The following DAPK1 variants were observed in gnomAD, a reference collection of about 807,000 sequenced individuals.
DAPK1 encodes the protein death associated protein kinase 1.
DAPK1 carries 56 observed loss-of-function variants against 144.9 expected under a neutral mutation model. That is an observed-to-expected ratio of 0.39 (90% CI 0.31 to 0.48). The LOEUF (loss-of-function observed/expected upper bound fraction) is 0.48. Among genes scored for constraint, DAPK1 ranks in the 20% least tolerant of loss-of-function variants. DAPK1 has a pLI of 0.95. For synonymous variants in DAPK1, 690 were observed against 749.0 expected (o/e 0.92, Z 1.29); for missense variants, 1,454 against 1,875.4 (o/e 0.78, Z 4.15).
chr9:87,551,591 G>A lies in DAPK1; in HGVS notation c.62+52452G>A, dbSNP rs36232284. 1.0e-3 allele frequency among the ~76,000 whole-genome samples: 152 copies of A among 152,358 alleles called. No individual in the cohort carries two copies. In the Middle Eastern group the frequency reaches 0.01, roughly 10 times the overall value. On this transcript the variant is annotated intron_variant, in intron 2 of 25. Coordinates refer to ENST00000408954, the MANE Select transcript of DAPK1 (RefSeq NM_004938.4). ...TGTTCCCAGGACAGTAGTGACAGTG[G>A]ATGAAGGACAGGACAGCAGCTTTTG...
chr9:87,580,105 C>T (rs542722399), intron 2 of DAPK1, among the ~76,000 whole-genome samples: 2 of 152,214 alleles, frequency 1.3e-5, no homozygotes, highest in Admixed American at 1.3e-4. Flanking sequence ...TATAAGGCCT[C>T]ATTATTTAAT....
At chr9:87,633,881 G>A (rs1829795762) in intron 3 of DAPK1, among the ~76,000 whole-genome samples, 1 of 152,196 alleles carries the variant, frequency 6.6e-6, no homozygotes, top group Admixed American at 6.5e-5. Flanking sequence ...AGAAGAGTGT[G>A]CATGGTGTTT....
intron 7 of DAPK1, 99 bp from the exon 8 acceptor site, chr9:87,640,199 A>G (rs1354772059): frequency 2.5e-6 from 3 of 1,180,736 alleles, no homozygotes; most frequent in Non-Finnish European, 3.6e-6. Flanking sequence ...TTCGAGCACC[A>G]GATTATAATC....
Position 87,509,739 on chromosome 9 carries a change from A to G in DAPK1, c.62+10600A>G, listed in dbSNP as rs572281791. 2.6e-5 allele frequency among the ~76,000 whole-genome samples: 4 copies of G among 152,350 alleles called. No individual in the cohort carries two copies. In the South Asian group the frequency reaches 8.3e-4, roughly 32 times the overall value. ...TCCTAGATATTGGCTTTGCCATTCAAAGTCTCTACAGTCAGTGTGTGAACT... is the reference window on the plus strand; with the variant it reads ...TCCTAGATATTGGCTTTGCCATTCAGAGTCTCTACAGTCAGTGTGTGAACT... On this transcript the variant is annotated intron_variant, in intron 2 of 25. Coordinates refer to ENST00000408954, the MANE Select transcript of DAPK1 (RefSeq NM_004938.4).
intron 2 of DAPK1, among the ~76,000 whole-genome samples, chr9:87,515,317 G>T (rs1234237285): frequency 6.6e-6 from 1 of 152,178 alleles, no homozygotes; most frequent in Non-Finnish European, 1.5e-5. Flanking sequence ...ACAGGCAATG[G>T]TCTGGATTTA....
chr9:87,532,119 G>T (rs1825722229), intron 2 of DAPK1, among the ~76,000 whole-genome samples: 1 of 152,124 alleles, frequency 6.6e-6, no homozygotes, highest in African/African-American at 2.4e-5. Context: ...TGATTAACTG[G>T]TGCCACACAT....
At chr9:87,643,506 C>T (rs1353639952) in intron 11 of DAPK1, 38 bp downstream of exon 11, 10 of 1,262,076 alleles carry the variant, frequency 7.9e-6, no homozygotes, top group Middle Eastern at 1.9e-4. Flanking sequence ...CCTTTCTTAG[C>T]ACTGGGTACT....
Position 87,605,040 on chromosome 9 carries a change from A to G in DAPK1, c.149A>G (p.Lys50Arg), listed in dbSNP as rs1422754947. 1 of 1,614,222 alleles carries G rather than the reference A, an allele frequency of 6.2e-7. No individual in the cohort carries two copies. The change falls in exon 3 of 26, where the codon AAG becomes AGG. Residue 50 changes from lysine to arginine, a missense_variant. Around this residue, in one of 2 missense-constraint regions of DAPK1, gnomAD observed 429 missense variants for 637.5 expected, o/e 0.67. Coordinates refer to ENST00000408954, the MANE Select transcript of DAPK1 (RefSeq NM_004938.4). ...AAATTCATCAAGAAAAGGAGGACTA[A>G]GTCCAGCCGGCGGGGTGTGAGCCGC... The part of the protein sequence containing the change: ...AAKFIKKRRT[K>R]SSRRGVSRED...
intron 24 of DAPK1, among the ~76,000 whole-genome samples, chr9:87,702,572 G>C (rs1825491278): frequency 6.6e-6 from 1 of 152,190 alleles, no homozygotes; most frequent in Non-Finnish European, 1.5e-5. Flanking sequence ...GAAACATTAG[G>C]AGTTGGTGAA....
Position 87,580,082 on chromosome 9 carries a change from A to G in DAPK1, c.63-24872A>G, listed in dbSNP as rs1587736618. Among the ~76,000 whole-genome samples, 2 of 152,262 alleles carry G rather than the reference A, an allele frequency of 1.3e-5. 1 individual carries two copies. The highest frequency in any genetic ancestry group is 1.3e-4 in the Admixed American group (2 of 15,288). The stretch of plus-strand genomic sequence containing the variant: ...CATGGAGCTAAATTTGACATGTAAT[A>G]ATCATGTCATTATATAAGGCCTCAT... On this transcript the variant is annotated intron_variant, in intron 2 of 25. Transcript: ENST00000408954.
At chr9:87,551,826 G>A (rs11141875) in intron 2 of DAPK1, among the ~76,000 whole-genome samples, 28,994 of 152,050 alleles carry the variant, frequency 0.19, 4,228 homozygotes, top group African/African-American at 0.39. Flanking sequence ...GGAGAGACCC[G>A]AAGATAAGCA....
At chr9:87,632,975 T>C (rs1439579909) in intron 3 of DAPK1, 1 of 975,496 alleles carries the variant, frequency 1.0e-6, no homozygotes, top group African/African-American at 1.8e-5. Flanking sequence ...AGTACATATG[T>C]AGAAATGAAG....
At chr9:87,507,054 CAT>C (rs1488855389) in intron 2 of DAPK1, 2 of 152,166 alleles carry the variant, frequency 1.3e-5, no homozygotes, top group African/African-American at 2.4e-5. Context: ...ACAAAACAAT[CAT>C]GTGATAGTAA....
intron 20 of DAPK1, among the ~76,000 whole-genome samples, chr9:87,684,800 A>T (rs1824780420): frequency 1.3e-5 from 2 of 152,238 alleles, no homozygotes; most frequent in Non-Finnish European, 2.9e-5. Context: ...GCTAACAAAA[A>T]TGATTTCCTG....
At chr9:87,515,317 G>A (rs1234237285) in intron 2 of DAPK1, among the ~76,000 whole-genome samples, 2 of 152,178 alleles carry the variant, frequency 1.3e-5, no homozygotes, top group African/African-American at 4.8e-5. Flanking sequence ...ACAGGCAATG[G>A]TCTGGATTTA....
chr9:87,658,246 C>G, intron 18 of DAPK1, 119 bp downstream of exon 18: 1 of 609,304 alleles, frequency 1.6e-6, no homozygotes, highest in South Asian at 2.0e-5. Context: ...GGCTGCTGTT[C>G]AGCCATAGCT....
intron 18 of DAPK1, among the ~76,000 whole-genome samples, chr9:87,662,559 A>AGTTTTTT (rs1830887599): frequency 3.9e-5 from 1 of 25,566 alleles, no homozygotes; most frequent in African/African-American, 9.5e-5. Flanking sequence ...ATATATTCCT[A>AGTTTTTT]GTTTTTTTTT....
rs534516982 is a variant in DAPK1 at position 87,555,443 on chromosome 9, AAAC to A, written c.63-49503_63-49501del. Among the ~76,000 whole-genome samples the A allele has an allele frequency of 5.3e-3, 800 of 152,330 alleles. 11 individuals carry two copies. The highest frequency in any genetic ancestry group is 0.018 in the African/African-American group (734 of 41,560). ...CTTCCTCAAGAAGTATTAGTAACAC[AAAC>A]AACAACAGAAAAAACAAAGTGAAAT... On this transcript the variant is annotated intron_variant, in intron 2 of 25. Coordinates refer to ENST00000408954, the MANE Select transcript of DAPK1 (RefSeq NM_004938.4).
chr9:87,619,852 T>A (rs1587776332), intron 3 of DAPK1, among the ~76,000 whole-genome samples: 1 of 152,236 alleles, frequency 6.6e-6, no homozygotes, highest in Non-Finnish European at 1.5e-5. Context: ...GTCATGCCCA[T>A]CACGTAACAG....
Sources: gnomAD v4.1 joint callset for allele counts (sites outside exome capture counted in the v4.1 genomes callset) on GRCh38, gnomAD v4.1.1 for gene constraint, gnomAD v4.1.1 regional missense constraint, MANE v1.5 for transcripts, NCBI Gene and HGNC (gene_info 2026-07-23, HGNC 2026-07-21) for gene names.